DAGLB: variants seen among roughly 807,000 people sequenced by gnomAD.
The protein encoded by DAGLB is diacylglycerol lipase beta.
A neutral mutation model predicts 72.1 loss-of-function variants in DAGLB; 66 were observed. The observed-to-expected ratio is 0.92, with a 90% CI of 0.75 to 1.12. The LOEUF is 1.12. DAGLB is among the 50% of genes most tolerant of loss of function. DAGLB has a pLI of 0.00. For synonymous variants in DAGLB, 414 were observed against 359.5 expected, an observed-to-expected ratio of 1.15 and a Z score of -1.71; for missense variants, 1,065 against 884.9, an observed-to-expected ratio of 1.20 and a Z score of -2.58.
At chr7:6,413,626 T>C (rs1157992356) in intron 11 of DAGLB, among the ~76,000 whole-genome samples, 8 of 143,278 alleles carry the variant, frequency 5.6e-5, no homozygotes, top group African/African-American at 2.1e-4. Flanking sequence ...CGAGACTCCA[T>C]CTCAAAAGAA....
Position 6,425,718 on chromosome 7 carries a change from C to G in DAGLB, c.1056+270G>C, listed in dbSNP as rs537278234. ...GCGGCATTAATACTGAGGGATTTCACTCCTCAACAGAAGGGCGAGGTAAGA... is the reference window on the plus strand; with the variant it reads ...GCGGCATTAATACTGAGGGATTTCAGTCCTCAACAGAAGGGCGAGGTAAGA... On this transcript the variant is annotated intron_variant, in intron 7 of 14. Transcript: ENST00000297056. 9.2e-5 allele frequency among the ~76,000 whole-genome samples: 14 copies of G among 152,308 alleles called. No individual in the cohort carries two copies. The South Asian group carries it at 2.7e-3, about 29-fold the overall frequency.
At chr7:6,417,057 G>A (rs553755447) in intron 9 of DAGLB, 136 bp from the exon 10 acceptor site, 9 of 984,854 alleles carry the variant, frequency 9.1e-6, no homozygotes, top group African/African-American at 3.2e-5. Context: ...CAGCAGCCAC[G>A]TCCATCGTGC....
intron 11 of DAGLB, among the ~76,000 whole-genome samples, chr7:6,414,331 G>C (rs1393779564): frequency 1.4e-5 from 2 of 140,038 alleles, no homozygotes; most frequent in African/African-American, 5.6e-5. Flanking sequence ...TTTTTCTTTT[G>C]AGACGGAGTG....
intron 9 of DAGLB, among the ~76,000 whole-genome samples, chr7:6,421,309 AGGCAGC>A (rs1453436070): frequency 6.0e-5 from 2 of 33,338 alleles, no homozygotes; most frequent in African/African-American, 1.0e-3. Flanking sequence ...TGTGAGAATC[AGGCAGC>A]GCGGGAGGCG....
chr7:6,447,913 C>G lies in DAGLB; in HGVS notation c.-71G>C, dbSNP rs116736814. On this transcript the variant is annotated 5_prime_UTR_variant, in exon 1 of 15. Transcript: ENST00000297056. ...TTCACCGAGAACAAACCAGCACCCTCCGGACGCCGCCACCAAATTATCGGC... is the reference window on the plus strand; with the variant it reads ...TTCACCGAGAACAAACCAGCACCCTGCGGACGCCGCCACCAAATTATCGGC... 14 of 1,483,614 alleles carry G rather than the reference C, an allele frequency of 9.4e-6. No homozygotes were observed. The African/African-American group carries it at 1.1e-4, about 12-fold the overall frequency. 91.9% of individuals were successfully genotyped at this position (1,483,614 alleles called of 1,614,324 possible). A position where few individuals can be genotyped will look rare whatever the true frequency, so the allele number is the denominator to read the frequency against.
Position 6,414,794 on chromosome 7 carries a change from C to T in DAGLB, c.1428-1760G>A, listed in dbSNP as rs114398423. 9.9e-4 allele frequency among the ~76,000 whole-genome samples: 151 copies of T among 151,916 alleles called. 1 individual carries two copies. Among genetic ancestry groups the T allele is most frequent in the African/African-American group, 2.6e-3 (106 of 41,448 alleles). ...AAGGAACCAATATTCCTTGGAGAAA[C>T]GGTTGATTCCAGATATGGACGATGG... On this transcript the variant is annotated intron_variant, in intron 11 of 14. Coordinates refer to ENST00000297056, the MANE Select transcript of DAGLB (RefSeq NM_139179.4).
intron 11 of DAGLB, among the ~76,000 whole-genome samples, chr7:6,414,833 T>G (rs1424115842): frequency 6.6e-6 from 1 of 152,072 alleles, no homozygotes; most frequent in Non-Finnish European, 1.5e-5. Flanking sequence ...AAAAAAATAC[T>G]TGCTCATTTC....
chr7:6,430,285 A>ATATGG (rs1784444801), intron 6 of DAGLB, among the ~76,000 whole-genome samples, 195 bp downstream of exon 6: 1 of 98,416 alleles, frequency 1.0e-5, no homozygotes, highest in East Asian at 1.4e-3. Flanking sequence ...ATATATATGC[A>ATATGG]GGGGGGAGGG....
chr7:6,441,560 G>A (rs900749368), intron 2 of DAGLB, among the ~76,000 whole-genome samples: 1 of 150,920 alleles, frequency 6.6e-6, no homozygotes, highest in Non-Finnish European at 1.5e-5. Flanking sequence ...TGTGACTACA[G>A]GGGCCCGCCA....
Position 6,432,199 on chromosome 7 carries a change from A to T in DAGLB, c.801+638T>A, listed in dbSNP as rs56376835. On this transcript the variant is annotated intron_variant, in intron 5 of 14. Transcript: ENST00000297056. Reference sequence around the variant, plus strand: ...AACCCCATCTCTACTAAAAATACAAAAAATTAGCTGAGTGTGATGGTATGC... The same window carrying T: ...AACCCCATCTCTACTAAAAATACAATAAATTAGCTGAGTGTGATGGTATGC... Among the ~76,000 whole-genome samples the T allele has an allele frequency of 8.3e-3, 1,267 of 152,164 alleles. 19 individuals are homozygous for T. The highest frequency in any genetic ancestry group is 0.029 in the African/African-American group (1,212 of 41,516).
intron 11 of DAGLB, among the ~76,000 whole-genome samples, chr7:6,413,322 G>GGAAGACTCCATCAAA (rs2115240145): frequency 6.6e-6 from 1 of 152,306 alleles, no homozygotes; most frequent in Non-Finnish European, 1.5e-5. Context: ...AACCGCGCTT[G>GGAAGACTCCATCAAA]GAAGACTCCA....
chr7:6,436,999 A>T (rs2115285896), intron 2 of DAGLB, among the ~76,000 whole-genome samples: 1 of 151,888 alleles, frequency 6.6e-6, no homozygotes, highest in East Asian at 1.9e-4. Context: ...AAAATTAAAA[A>T]ATTAGCGAGG....
intron 7 of DAGLB, among the ~76,000 whole-genome samples, chr7:6,425,732 G>A (rs1171163738): frequency 6.6e-6 from 1 of 152,136 alleles, no homozygotes; most frequent in East Asian, 1.9e-4. Flanking sequence ...TCAACAGAAG[G>A]GCGAGGTAAG....
intron 6 of DAGLB, among the ~76,000 whole-genome samples, 195 bp downstream of exon 6, chr7:6,430,284 CA>C (rs60640829): frequency 0.068 from 3,245 of 47,770 alleles, 392 homozygotes; most frequent in East Asian, 0.6. Context: ...TATATATATG[CA>C]GGGGGGAGGG....
chr7:6,437,049 G>T (rs1357790251), intron 2 of DAGLB, among the ~76,000 whole-genome samples: 14 of 151,706 alleles, frequency 9.2e-5, no homozygotes, highest in Admixed American at 9.2e-4. Flanking sequence ...ACTTGCGAGG[G>T]AGGCTGAGAC....
intron 1 of DAGLB, 55 bp downstream of exon 1, chr7:6,447,693 C>A (rs968245001): frequency 1.3e-6 from 2 of 1,571,702 alleles, no homozygotes; most frequent in Admixed American, 2.0e-5. Context: ...AGGGACAGCT[C>A]GCCCCCCGCT....
chr7:6,413,385 C>CT (rs1446263662), intron 11 of DAGLB, among the ~76,000 whole-genome samples: 2 of 152,312 alleles, frequency 1.3e-5, no homozygotes, highest in African/African-American at 4.8e-5. Flanking sequence ...AATCCCAGCA[C>CT]TTTGGGAGGC....
intron 6 of DAGLB, among the ~76,000 whole-genome samples, chr7:6,429,820 G>A (rs953627847): frequency 3.3e-5 from 5 of 151,956 alleles, no homozygotes; most frequent in East Asian, 1.9e-4. Flanking sequence ...CGAGGCAGAC[G>A]GATCACGAGG....
chr7:6,434,652 C>A (rs527683009), intron 4 of DAGLB, 110 bp downstream of exon 4: 9 of 1,545,986 alleles, frequency 5.8e-6, no homozygotes, highest in Non-Finnish European at 7.9e-6. Flanking sequence ...CCCACACACC[C>A]AAAGACACCA....
Sources: gnomAD v4.1 joint callset for allele counts (sites outside exome capture counted in the v4.1 genomes callset) on GRCh38, gnomAD v4.1.1 for gene constraint, MANE v1.5 for transcripts, NCBI Gene and HGNC (gene_info 2026-07-23, HGNC 2026-07-21) for gene names.